The following FRAS1 variants were observed in gnomAD, a reference collection of about 807,000 sequenced individuals.
The protein encoded by FRAS1 is extracellular matrix organizing protein FRAS1.
A neutral mutation model predicts 435.2 loss-of-function variants in FRAS1; 290 were observed. The ratio of observed to expected loss-of-function variants is 0.67; its 90% CI spans 0.61 to 0.73. FRAS1 has a LOEUF of 0.73. FRAS1 is among the 30% of genes least tolerant of loss of function. The pLI, the probability that FRAS1 is intolerant of heterozygous loss-of-function variation, is 0.00. For missense variants in FRAS1, 4,860 were observed against 5,001.5 expected (o/e 0.97, Z 0.85); for synonymous variants, 1,800 against 1,851.0 (o/e 0.97, Z 0.71).
At chr4:78,480,885 C>G (rs1435843755) in intron 56 of FRAS1, among the ~76,000 whole-genome samples, 1 of 152,190 alleles carries the variant, frequency 6.6e-6, no homozygotes, top group Non-Finnish European at 1.5e-5. Context: ...TACCGAATGC[C>G]GGGCACCATA....
chr4:78,422,877 A>T (rs1166517135), intron 34 of FRAS1, among the ~76,000 whole-genome samples: 1 of 152,214 alleles, frequency 6.6e-6, no homozygotes, highest in African/African-American at 2.4e-5. Flanking sequence ...GGAAGGTTTC[A>T]TGTAGCCATG....
rs949743638 is a variant in FRAS1 at position 78,543,078 on chromosome 4, G to A, written c.*1954G>A. On this transcript the variant is annotated 3_prime_UTR_variant, in exon 74 of 74. Coordinates refer to ENST00000512123, the MANE Select transcript of FRAS1 (RefSeq NM_025074.7). ...AGATGAGTGTCAGGTTTTCAGGAGAGAATGAGTTGGGGTGAGCCCAGAGTC... is the reference window on the plus strand; with the variant it reads ...AGATGAGTGTCAGGTTTTCAGGAGAAAATGAGTTGGGGTGAGCCCAGAGTC... 1.3e-5 allele frequency: 2 copies of A among 152,206 alleles called. No individual in the cohort carries two copies. The highest frequency in any genetic ancestry group is 3.8e-4 in the East Asian group (2 of 5,196). The allele number at this position is 152,206 out of a possible 1,614,324, so 9.4% of individuals were successfully genotyped here. A position where few individuals can be genotyped will look rare whatever the true frequency, so the allele number is the denominator to read the frequency against.
At chr4:78,392,907 T>C (rs1732508189) in intron 29 of FRAS1, among the ~76,000 whole-genome samples, 1 of 151,918 alleles carries the variant, frequency 6.6e-6, no homozygotes, top group Non-Finnish European at 1.5e-5. Context: ...TATATACCCT[T>C]CTATCCATCT....
At chr4:78,395,001 A>T (rs1403001370) in intron 29 of FRAS1, among the ~76,000 whole-genome samples, 1 of 151,808 alleles carries the variant, frequency 6.6e-6, no homozygotes. Flanking sequence ...TTGTTTTTCA[A>T]AGAGTTTATT....
chr4:78,527,602 T>C (rs1323678488), intron 70 of FRAS1, among the ~76,000 whole-genome samples: 1 of 152,168 alleles, frequency 6.6e-6, no homozygotes, highest in African/African-American at 2.4e-5. Flanking sequence ...GGCTATTGGA[T>C]TCGTCAATAC....
chr4:78,516,031 T>C lies in FRAS1; in HGVS notation c.10389+18T>C, dbSNP rs768342079. 6 of 1,597,220 alleles carry C rather than the reference T, an allele frequency of 3.8e-6. No homozygotes were observed. Among genetic ancestry groups the C allele is most frequent in the Non-Finnish European group, 4.3e-6 (5 of 1,168,526 alleles). ...ACTTCCAGGTAGGTGCCCCGGGGCT[T>C]GTCTGAGGACTCTGCATATGGGTGC... On this transcript the variant is annotated intron_variant, in intron 66 of 73. Transcript: ENST00000512123.
Position 78,266,921 on chromosome 4 carries a change from C to T in FRAS1, c.775C>T (p.Leu259=), listed in dbSNP as rs775842324. The change falls in exon 8 of 74, where the codon CTG becomes TTG. Residue 259 remains leucine, a synonymous_variant. Transcript: ENST00000512123. ...GTGTCACAAGCAGGCCTGCCTGCCCCTGAGATGCGGAAAGGTATTTGAGAG... is the reference window on the plus strand; with the variant it reads ...GTGTCACAAGCAGGCCTGCCTGCCCTTGAGATGCGGAAAGGTATTTGAGAG... ...VRCHKQACLP[L]RCGKGQSRAR... 1.9e-6 allele frequency: 3 copies of T among 1,604,798 alleles called. No homozygotes were observed. Among genetic ancestry groups the T allele is most frequent in the Non-Finnish European group, 8.5e-7 (1 of 1,175,106 alleles).
rs1560604693 is a variant in FRAS1, at chr4:78,252,423, G to C, written c.341G>C (p.Ser114Thr). Residue 114 changes from serine to threonine, a missense_variant, in exon 5 of 74, where the codon AGT (serine) becomes ACT (threonine). Transcript: ENST00000512123. The stretch of plus-strand genomic sequence containing the variant: ...ACAGAATGGGCCTCTTCTCCATGTA[G>C]TGTGTGCTCTTGCAATCATGGGGAA... The part of the protein sequence containing the change: ...HGTEWASSPC[S>T]VCSCNHGEVR... 3 of 1,613,330 alleles carry C rather than the reference G, an allele frequency of 1.9e-6. 1 individual carries two copies. Among genetic ancestry groups the C allele is most frequent in the South Asian group, 2.2e-5 (2 of 91,044 alleles).
Position 78,509,023 on chromosome 4 carries a change from G to T in FRAS1, c.9780+17G>T. On this transcript the variant is annotated intron_variant, in intron 63 of 73. Transcript: ENST00000512123. Reference sequence around the variant, plus strand: ...AACCACATGGTAGGTCTGGGGGTCTGGGCCTGGTTCTCCCTCCCTGGGAGA... The same window carrying T: ...AACCACATGGTAGGTCTGGGGGTCTTGGCCTGGTTCTCCCTCCCTGGGAGA... 6.2e-7 allele frequency: 1 copy of T among 1,613,386 alleles called. No individual in the cohort carries two copies. The highest frequency in any genetic ancestry group is 8.5e-7 in the Non-Finnish European group (1 of 1,179,694).
At chr4:78,220,367 A>C (rs554754210) in intron 2 of FRAS1, among the ~76,000 whole-genome samples, 39 of 152,352 alleles carry the variant, frequency 2.6e-4, no homozygotes, top group African/African-American at 9.1e-4. Flanking sequence ...CCCCAAGTAA[A>C]GGTTTATTGG....
At chr4:78,524,701 G>C (rs896107661) in intron 69 of FRAS1, among the ~76,000 whole-genome samples, 3 of 152,124 alleles carry the variant, frequency 2.0e-5, no homozygotes, top group Non-Finnish European at 4.4e-5. Flanking sequence ...TGTCAGAGAA[G>C]GTTCTGGGCA....
chr4:78,428,358 T>C (rs1261561598), intron 35 of FRAS1, among the ~76,000 whole-genome samples: 3 of 151,984 alleles, frequency 2.0e-5, no homozygotes, highest in Non-Finnish European at 4.4e-5. Context: ...AGTCTCGCTG[T>C]ATCGCCCAGG....
chr4:78,509,901 T>C (rs1050251132), intron 63 of FRAS1, among the ~76,000 whole-genome samples: 1 of 152,232 alleles, frequency 6.6e-6, no homozygotes, highest in Non-Finnish European at 1.5e-5. Flanking sequence ...CAAATTTCTC[T>C]AGATTTTCCT....
At chr4:78,131,571 G>A (rs933830457) in intron 2 of FRAS1, among the ~76,000 whole-genome samples, 16 of 152,332 alleles carry the variant, frequency 1.1e-4, no homozygotes, top group Middle Eastern at 3.4e-3. Flanking sequence ...TAAAAGCAGC[G>A]TGGGCAGAAG....
At chr4:78,146,813 C>T (rs539432382) in intron 2 of FRAS1, among the ~76,000 whole-genome samples, 2 of 152,218 alleles carry the variant, frequency 1.3e-5, no homozygotes, top group East Asian at 3.9e-4. Context: ...TCACATTGTA[C>T]ATTATAATTT....
intron 9 of FRAS1, among the ~76,000 whole-genome samples, chr4:78,276,450 T>C (rs11730332): frequency 0.95 from 143,920 of 152,228 alleles, 68,431 homozygotes; most frequent in Non-Finnish European, 1. Context: ...GTGGTTTTAT[T>C]TACCTTTGGT....
Position 78,379,892 on chromosome 4 carries a change from C to G in FRAS1, c.3459C>G (p.Leu1153=), listed in dbSNP as rs1358672207. 6.2e-7 allele frequency: 1 copy of G among 1,613,766 alleles called. No individual in the cohort carries two copies. Among genetic ancestry groups the G allele is most frequent in the Non-Finnish European group, 8.5e-7 (1 of 1,179,860 alleles). Residue 1153 remains leucine, a synonymous_variant, in exon 27 of 74, where the codon CTC becomes CTG. Transcript: ENST00000512123. The part of the protein sequence containing the change: ...VSTPTNGQLV[L]SRNGKEVQLD... Reference sequence around the variant, plus strand: ...CTCCCACCAATGGTCAGCTAGTGCTCTCAAGAAATGGAAAAGAGGTTCAGC... The same window carrying G: ...CTCCCACCAATGGTCAGCTAGTGCTGTCAAGAAATGGAAAAGAGGTTCAGC...
At chr4:78,137,682 G>A (rs1366172667) in intron 2 of FRAS1, among the ~76,000 whole-genome samples, 1 of 152,214 alleles carries the variant, frequency 6.6e-6, no homozygotes, top group East Asian at 1.9e-4. Flanking sequence ...ACTCTGTGAA[G>A]GAGAGATGAA....
intron 6 of FRAS1, among the ~76,000 whole-genome samples, chr4:78,259,559 T>G (rs1256230181): frequency 6.6e-6 from 1 of 151,798 alleles, no homozygotes; most frequent in African/African-American, 2.4e-5. Flanking sequence ...GGGTTGTTTG[T>G]TTTTTTCTTG....
Sources: allele counts gnomAD v4.1 joint callset (sites outside exome capture counted in the v4.1 genomes callset), GRCh38; gene constraint gnomAD v4.1.1; transcripts MANE v1.5; gene names NCBI Gene and HGNC (gene_info 2026-07-23, HGNC 2026-07-21).